The following CCDC88A variants were observed in gnomAD, a reference collection of about 807,000 sequenced individuals.
The protein encoded by CCDC88A is girdin.
In CCDC88A, 54 loss-of-function variants were observed where a neutral mutation model predicts 234.3. The observed-to-expected ratio is 0.23, with a 90% CI of 0.19 to 0.29. The LOEUF (loss-of-function observed/expected upper bound fraction) is 0.29, where lower values mean the gene tolerates loss of function less well. CCDC88A is among the 10% of genes least tolerant of loss of function. The pLI, the probability that CCDC88A is intolerant of heterozygous loss-of-function variation, is 1.00. For synonymous variants in CCDC88A, 753 were observed against 737.8 expected, an observed-to-expected ratio of 1.02 and a Z score of -0.33; for missense variants, 1,832 against 2,123.4, an observed-to-expected ratio of 0.86 and a Z score of 2.70.
At chr2:55,331,711 A>AT (rs1285453491) in intron 16 of CCDC88A, 1 of 152,122 alleles carries the variant, frequency 6.6e-6, no homozygotes, top group Non-Finnish European at 1.5e-5. Context: ...GAGAATACAT[A>AT]TTTTTTTAAA....
At chr2:55,366,144 C>G (rs183902052) in intron 5 of CCDC88A, among the ~76,000 whole-genome samples, 15 of 152,220 alleles carry the variant, frequency 9.9e-5, no homozygotes, top group African/African-American at 3.6e-4. Context: ...AGTTCTTAAA[C>G]TATCATGGGC....
chr2:55,339,450 A>G lies in CCDC88A; in HGVS notation c.1518+14T>C. On this transcript the variant is annotated intron_variant, in intron 13 of 32. Coordinates refer to ENST00000436346, the MANE Select transcript of CCDC88A (RefSeq NM_001365480.1). ...TTTTTTTAACATTAAAATAAACACT[A>G]CATTTTAATTTACCTTTTTACTGAG... is the stretch of plus-strand genomic sequence containing the variant. 6.7e-7 allele frequency: 1 copy of G among 1,487,814 alleles called. No homozygotes were observed. The allele number at this position is 1,487,814 out of a possible 1,614,324, so 92.2% of individuals were successfully genotyped here.
Position 55,419,060 on chromosome 2 carries a change from G to T in CCDC88A, c.20C>A (p.Thr7Asn), listed in dbSNP as rs765003003. The T allele has an allele frequency of 2.0e-5, 32 of 1,612,516 alleles. No individual in the cohort carries two copies. The highest frequency in any genetic ancestry group is 2.7e-5 in the African/African-American group (2 of 74,858). Residue 7 changes from threonine (T) to asparagine (N), a missense_variant, in exon 1 of 33, where the codon ACT becomes AAT. Around this residue, in one of 6 missense-constraint regions of CCDC88A, gnomAD observed 36 missense variants for 44.0 expected, o/e 0.82. Transcript: ENST00000436346. ...GGTCATGAACTGCTCCAGAAGGGGA[G>T]TAAAAATTTCGTTCTCCATTTTACA... MENEIFTPLLEQFMTSP... is the reference protein window; with the variant it reads MENEIFNPLLEQFMTSP...
At chr2:55,330,426 T>C (rs539409585) in intron 16 of CCDC88A, among the ~76,000 whole-genome samples, 90 of 152,142 alleles carry the variant, frequency 5.9e-4, no homozygotes, top group African/African-American at 2.0e-3. Context: ...TGAGCCGAGA[T>C]TGTGCCACTG....
At chr2:55,387,615 C>G (rs1162472609) in intron 3 of CCDC88A, among the ~76,000 whole-genome samples, 1 of 151,686 alleles carries the variant, frequency 6.6e-6, no homozygotes, top group Non-Finnish European at 1.5e-5. Context: ...AACCCTGTCT[C>G]TACTGAAAAC....
chr2:55,319,128 C>A, intron 18 of CCDC88A, 124 bp from the exon 19 acceptor site: 1 of 749,968 alleles, frequency 1.3e-6, no homozygotes, highest in Non-Finnish European at 1.9e-6. Context: ...AAAGCCCCAA[C>A]AATCTTAAAA....
chr2:55,404,330 G>C (rs944981479), intron 2 of CCDC88A: 1 of 152,016 alleles, frequency 6.6e-6, no homozygotes, highest in African/African-American at 2.4e-5. Context: ...TTTTTAAAAA[G>C]TCCCCACACA....
chr2:55,366,917 G>C (rs927651193), intron 5 of CCDC88A, among the ~76,000 whole-genome samples: 2 of 152,116 alleles, frequency 1.3e-5, no homozygotes, highest in African/African-American at 4.8e-5. Flanking sequence ...TTCTACCAAA[G>C]AGCAATAAGC....
At chr2:55,364,346 A>G (rs1671692593) in intron 5 of CCDC88A, 1 of 172,084 alleles carries the variant, frequency 5.8e-6, no homozygotes, top group Non-Finnish European at 1.2e-5. Flanking sequence ...TAAAGAATCA[A>G]GAACTTGTTT....
intron 12 of CCDC88A, among the ~76,000 whole-genome samples, chr2:55,341,140 CTTT>C (rs562623314): frequency 0.041 from 3,317 of 81,016 alleles, 60 homozygotes; most frequent in African/African-American, 0.14. Context: ...GAATTTCTTT[CTTT>C]TTTTTTTTTT....
chr2:55,358,129 C>T (rs535851944), intron 7 of CCDC88A, among the ~76,000 whole-genome samples: 4 of 152,112 alleles, frequency 2.6e-5, no homozygotes, highest in South Asian at 4.1e-4. Context: ...CTGTTACTGA[C>T]TCACTCTTTG....
chr2:55,334,660 C>T lies in CCDC88A; in HGVS notation c.2161G>A (p.Ala721Thr). 1 of 1,613,756 alleles carries T rather than the reference C, an allele frequency of 6.2e-7. No homozygotes were observed. The highest frequency in any genetic ancestry group is 8.5e-7 in the Non-Finnish European group (1 of 1,179,854). ...TCTTTGTTTTCTAGCTGTAGCTGAGCCATTTTCATGCTTGCACACTTCAAA... is the reference window on the plus strand; with the variant it reads ...TCTTTGTTTTCTAGCTGTAGCTGAGTCATTTTCATGCTTGCACACTTCAAA... ...ESLKCASMKM[A>T]QLQLENKELE... Residue 721 changes from alanine to threonine, a missense_variant, in exon 15 of 33, where the codon GCT (alanine) becomes ACT (threonine). Transcript: ENST00000436346. This position sits in a 1 kb window ranked among gnomAD's most constrained non-coding sequence, Gnocchi z 6.1.
chr2:55,367,165 G>C (rs1353540678), intron 5 of CCDC88A, among the ~76,000 whole-genome samples: 2 of 152,160 alleles, frequency 1.3e-5, no homozygotes, highest in Non-Finnish European at 2.9e-5. Context: ...GACAAATACT[G>C]TATGATTCCA....
intron 26 of CCDC88A, among the ~76,000 whole-genome samples, chr2:55,302,332 G>A (rs193148197): frequency 7.2e-5 from 11 of 152,212 alleles, no homozygotes; most frequent in African/African-American, 2.4e-4. Flanking sequence ...TACTAAGTAC[G>A]ACTGCCATGC....
At position 55,381,992 on chromosome 2, in the gene CCDC88A, A is replaced by G. The variant is rs148428696; in HGVS notation, c.273+6786T>C. Among the ~76,000 whole-genome samples the G allele has an allele frequency of 2.2e-3, 332 of 152,356 alleles. 2 individuals are homozygous for G. The highest frequency in any genetic ancestry group is 7.8e-3 in the African/African-American group (325 of 41,592). Reference sequence around the variant, plus strand: ...CTATTACATATCTGTCAGTTTATCCATGTTACTAATGAAGAGAATTAAGCC... The same window carrying G: ...CTATTACATATCTGTCAGTTTATCCGTGTTACTAATGAAGAGAATTAAGCC... On this transcript the variant is annotated intron_variant, in intron 3 of 32. Coordinates refer to ENST00000436346, the MANE Select transcript of CCDC88A (RefSeq NM_001365480.1).
At chr2:55,409,545 A>C (rs12621495) in intron 2 of CCDC88A, among the ~76,000 whole-genome samples, 47,101 of 151,926 alleles carry the variant, frequency 0.31, 7,820 homozygotes, top group East Asian at 0.61. Context: ...TTTATTACAC[A>C]GTAAGTACTT....
In CCDC88A at chr2:55,334,416, T is replaced by A; in HGVS notation, c.2405A>T (p.Glu802Val). 1 of 1,581,368 alleles carries A rather than the reference T, an allele frequency of 6.3e-7. No homozygotes were observed. Among genetic ancestry groups the A allele is most frequent in the Non-Finnish European group, 8.5e-7 (1 of 1,171,494 alleles). The change falls in exon 15 of 33, where the codon GAA (glutamate) becomes GTA (valine). Residue 802 changes from glutamate to valine, a missense_variant. Around this residue, in one of 6 missense-constraint regions of CCDC88A, gnomAD observed 1,282 missense variants for 1,543.6 expected, o/e 0.83. Coordinates refer to ENST00000436346, the MANE Select transcript of CCDC88A (RefSeq NM_001365480.1). This position sits in a 1 kb window ranked among gnomAD's most constrained non-coding sequence, Gnocchi z 6.1. ...TAGTCTTTTGCTAGATATTTTTAGT[T>A]CTTCTAGGTTTTTCTGCAATGTTTG... ...ENQTLQKNLE[E>V]LKISSKRLEQ...
At chr2:55,361,473 T>C (rs1035025651) in intron 7 of CCDC88A, among the ~76,000 whole-genome samples, 2 of 152,310 alleles carry the variant, frequency 1.3e-5, no homozygotes, top group Non-Finnish European at 2.9e-5. Flanking sequence ...AAAATTCACA[T>C]CAGAACTGAC....
intron 17 of CCDC88A, among the ~76,000 whole-genome samples, chr2:55,325,001 C>T (rs575753681): frequency 6.6e-6 from 1 of 152,312 alleles, no homozygotes; most frequent in South Asian, 2.1e-4. Context: ...AGTTATAACA[C>T]CTTATATTTG....
Sources: allele counts gnomAD v4.1 joint callset (sites outside exome capture counted in the v4.1 genomes callset), GRCh38; gene constraint gnomAD v4.1.1; regional missense constraint gnomAD v4.1.1; non-coding constraint Gnocchi (gnomAD v3.1); transcripts MANE v1.5; gene names NCBI Gene and HGNC (gene_info 2026-07-23, HGNC 2026-07-21).